PDE4D: variants seen among roughly 807,000 people sequenced by gnomAD.
PDE4D encodes phosphodiesterase 4D, also known as 3',5'-cyclic-AMP phosphodiesterase 4D.
Under a neutral mutation model 87.4 loss-of-function variants are expected in PDE4D, and 24 were observed. The observed-to-expected ratio is 0.27, with a 90% confidence interval of 0.20 to 0.39. The LOEUF is 0.39. Ranked by LOEUF, PDE4D falls within the 10% of genes least tolerant of loss-of-function variation. The probability of loss-of-function intolerance (pLI) is 1.00; values close to 1 mark genes in which losing one functional copy is unlikely to be tolerated. For missense variants in PDE4D, 714 were observed against 1,041.0 expected, an observed-to-expected ratio of 0.69 and a Z score of 4.32; for synonymous variants, 384 against 383.2, an observed-to-expected ratio of 1.00 and a Z score of -0.02.
rs553000971 is a variant in PDE4D, at chr5:59,653,556, G to A, written c.455+239612C>T. 7.2e-5 allele frequency among the ~76,000 whole-genome samples: 11 copies of A among 152,198 alleles called. No homozygotes were observed. The South Asian group carries it at 2.1e-3, about 29-fold the overall frequency. On this transcript the variant is annotated intron_variant, in intron 1 of 14. Transcript: ENST00000340635. ...TGTGGTATAAATAAACAATAAGCAGGACATAGTACTCTGTAGGACTGGAGA... is the reference window on the plus strand; with the variant it reads ...TGTGGTATAAATAAACAATAAGCAGAACATAGTACTCTGTAGGACTGGAGA...
intron 1 of PDE4D, among the ~76,000 whole-genome samples, chr5:60,447,306 C>T (rs1402996620): frequency 6.6e-6 from 1 of 152,110 alleles, no homozygotes; most frequent in East Asian, 1.9e-4. Context: ...GCATCTCAAG[C>T]AACTTACATT....
chr5:59,167,390 C>T (rs1782073924), intron 5 of PDE4D, among the ~76,000 whole-genome samples: 1 of 152,170 alleles, frequency 6.6e-6, no homozygotes, highest in South Asian at 2.1e-4. Context: ...AGTCAGTCCA[C>T]TGTCAGTGAC....
intron 1 of PDE4D, among the ~76,000 whole-genome samples, chr5:60,281,890 A>G (rs1251660551): frequency 6.6e-6 from 1 of 151,970 alleles, no homozygotes; most frequent in Non-Finnish European, 1.5e-5. Flanking sequence ...GTACAAAATT[A>G]GCCAGTCCTG....
At chr5:59,369,689 C>T (rs770981708) in intron 1 of PDE4D, among the ~76,000 whole-genome samples, 1 of 152,040 alleles carries the variant, frequency 6.6e-6, no homozygotes, top group Non-Finnish European at 1.5e-5. Flanking sequence ...TGGAGTGTTG[C>T]CACTGGGAAT....
intron 2 of PDE4D, among the ~76,000 whole-genome samples, chr5:60,084,422 G>A (rs1002340275): frequency 2.0e-5 from 3 of 151,782 alleles, no homozygotes; most frequent in Middle Eastern, 3.2e-3. Flanking sequence ...GCGCGTGTGC[G>A]CATGCGCACG....
In PDE4D at chr5:60,063,255, T is replaced by C. The variant is rs539909987; in HGVS notation, c.43-74538A>G. 5.3e-5 allele frequency among the ~76,000 whole-genome samples: 8 copies of C among 152,124 alleles called. No individual in the cohort carries two copies. In the South Asian group the frequency reaches 1.7e-3, roughly 32 times the overall value. Reference sequence around the variant, plus strand: ...ATACAGGAATATATTTATGTAAACATTAGGATCCACTCTTAGGTATAAAGT... The same window carrying C: ...ATACAGGAATATATTTATGTAAACACTAGGATCCACTCTTAGGTATAAAGT... On this transcript the variant is annotated intron_variant, in intron 2 of 16. Transcript: ENST00000502484.
At chr5:59,043,277 A>G (rs2153397763) in intron 5 of PDE4D, among the ~76,000 whole-genome samples, 1 of 152,358 alleles carries the variant, frequency 6.6e-6, no homozygotes, top group South Asian at 2.1e-4. Context: ...TAATCCCAGC[A>G]CTTTGGGAGG....
At chr5:59,525,286 G>T (rs1182474384) in intron 1 of PDE4D, among the ~76,000 whole-genome samples, 1 of 152,264 alleles carries the variant, frequency 6.6e-6, no homozygotes, top group African/African-American at 2.4e-5. Context: ...CTGGATGTAA[G>T]ACATGGAGTC....
intron 2 of PDE4D, among the ~76,000 whole-genome samples, chr5:60,126,813 T>C (rs1779159310): frequency 6.6e-6 from 1 of 152,178 alleles, no homozygotes; most frequent in South Asian, 2.1e-4. Flanking sequence ...TTGGATTCAA[T>C]TGTGTGTGAG....
At chr5:59,447,175 A>G (rs891165525) in intron 1 of PDE4D, among the ~76,000 whole-genome samples, 1 of 152,212 alleles carries the variant, frequency 6.6e-6, no homozygotes, top group Non-Finnish European at 1.5e-5. Flanking sequence ...GCAAAATCCA[A>G]GAATCTTACC....
chr5:60,185,146 A>G (rs1294829721), intron 2 of PDE4D, among the ~76,000 whole-genome samples: 1 of 152,158 alleles, frequency 6.6e-6, no homozygotes, highest in African/African-American at 2.4e-5. Flanking sequence ...GAAGGGAAGA[A>G]CTTTCAGAAT....
chr5:59,081,875 G>A (rs1371544210), intron 5 of PDE4D, among the ~76,000 whole-genome samples: 3 of 152,038 alleles, frequency 2.0e-5, no homozygotes, highest in Non-Finnish European at 4.4e-5. Flanking sequence ...CATGTGTTGC[G>A]GGAGGGACTG....
intron 2 of PDE4D, among the ~76,000 whole-genome samples, chr5:60,080,657 G>T (rs1256980706): frequency 5.9e-5 from 9 of 152,076 alleles, no homozygotes; most frequent in Non-Finnish European, 1.5e-5. Context: ...CTTGTCTTTG[G>T]TTGTGTTTAT....
intron 1 of PDE4D, among the ~76,000 whole-genome samples, chr5:60,237,564 A>C (rs543177722): frequency 6.6e-6 from 1 of 152,092 alleles, no homozygotes; most frequent in Admixed American, 6.6e-5. Context: ...CAAAAAGACA[A>C]TATTTTATAG....
Position 58,970,836 on chromosome 5 carries a change from G to C in PDE4D, c.*3828C>G, listed in dbSNP as rs779845604. ...TCCTATGAGCTCTAGAAGCCAAAAGGACTTAAAAAAAAGAAAAAGATTGTT... is the reference window on the plus strand; with the variant it reads ...TCCTATGAGCTCTAGAAGCCAAAAGCACTTAAAAAAAAGAAAAAGATTGTT... On this transcript the variant is annotated 3_prime_UTR_variant, in exon 15 of 15. Coordinates refer to ENST00000340635, the MANE Select transcript of PDE4D (RefSeq NM_001104631.2). 2 of 148,952 alleles carry C rather than the reference G, an allele frequency of 1.3e-5. No individual in the cohort carries two copies. Among genetic ancestry groups the C allele is most frequent in the Non-Finnish European group, 3.0e-5 (2 of 67,422 alleles). The allele number at this position is 148,952 out of a possible 1,614,324, so 9.2% of individuals were successfully genotyped here. A position where few individuals can be genotyped will look rare whatever the true frequency, so the allele number is the denominator to read the frequency against.
chr5:59,216,771 C>G lies in PDE4D; in HGVS notation c.456-803G>C, dbSNP rs116253660. On this transcript the variant is annotated intron_variant, in intron 1 of 14. Transcript: ENST00000340635. ...CCTGCTCCCCTAAATAATCAAATCC[C>G]CTTTCCCCTGCCTAACTGTCACTCA... 3.4e-3 allele frequency: 547 copies of G among 158,968 alleles called. 6 individuals are homozygous for G. The highest frequency in any genetic ancestry group is 0.012 in the African/African-American group (508 of 41,610). The allele number at this position is 158,968 out of a possible 1,614,324, so 9.8% of individuals were successfully genotyped here. A position where few individuals can be genotyped will look rare whatever the true frequency, so the allele number is the denominator to read the frequency against.
chr5:60,115,264 G>T (rs748204259), intron 2 of PDE4D, among the ~76,000 whole-genome samples: 10 of 152,060 alleles, frequency 6.6e-5, no homozygotes, highest in African/African-American at 7.2e-5. Flanking sequence ...TTCATAGGCA[G>T]TGCTGGAATG....
chr5:59,925,174 C>CAAAA (rs71606612), intron 3 of PDE4D, among the ~76,000 whole-genome samples: 15 of 101,776 alleles, frequency 1.5e-4, no homozygotes, highest in East Asian at 3.1e-4. Flanking sequence ...GACTGCATCT[C>CAAAA]AAAAAAAAAA....
chr5:60,091,158 C>T (rs955321096), intron 2 of PDE4D, among the ~76,000 whole-genome samples: 2 of 152,158 alleles, frequency 1.3e-5, no homozygotes, highest in African/African-American at 2.4e-5. Flanking sequence ...AATGGAATTA[C>T]ATCAAGCTAA....
Sources: allele counts gnomAD v4.1 joint callset (sites outside exome capture counted in the v4.1 genomes callset), GRCh38; gene constraint gnomAD v4.1.1; transcripts MANE v1.5; gene names NCBI Gene and HGNC (gene_info 2026-07-23, HGNC 2026-07-21).